Variants in ZBBX observed in about 807,000 individuals in gnomAD.
ZBBX encodes the protein zinc finger B-box domain-containing protein 1.
In ZBBX, 101 loss-of-function variants were observed where a neutral mutation model predicts 108.5. The observed-to-expected ratio is 0.93, with a 90% CI of 0.79 to 1.10. The LOEUF (loss-of-function observed/expected upper bound fraction) is 1.10. ZBBX is among the 50% of genes least tolerant of loss of function. The pLI, the probability that ZBBX is intolerant of heterozygous loss-of-function variation, is 0.00. For synonymous variants in ZBBX, 356 were observed against 323.4 expected (o/e 1.10, Z -1.08); for missense variants, 1,009 against 941.4 (o/e 1.07, Z -0.94).
chr3:167,393,408 T>C (rs1354186982), intron 1 of ZBBX, among the ~76,000 whole-genome samples: 1 of 151,918 alleles, frequency 6.6e-6, no homozygotes, highest in Non-Finnish European at 1.5e-5. Context: ...CAAATTTCCA[T>C]TGCTACTTAT....
chr3:167,203,108 T>TA, the ZBBX span, among the ~76,000 whole-genome samples: 2 of 151,986 alleles, frequency 1.3e-5, no homozygotes, highest in Admixed American at 6.6e-5. Context: ...CTAGCTGACC[T>TA]AAAAAAAATT....
chr3:167,190,778 C>T, the ZBBX span, among the ~76,000 whole-genome samples: 6 of 152,162 alleles, frequency 3.9e-5, no homozygotes, highest in Non-Finnish European at 8.8e-5. Context: ...GAAATTCACA[C>T]CAAAATGAGT....
At chr3:167,342,027 C>T (rs1577044923) in intron 9 of ZBBX, among the ~76,000 whole-genome samples, 1 of 151,640 alleles carries the variant, frequency 6.6e-6, no homozygotes, top group South Asian at 2.1e-4. Flanking sequence ...ATTTGAGCTA[C>T]ATAAGGAAGA....
the ZBBX span, among the ~76,000 whole-genome samples, chr3:167,197,397 G>A: frequency 6.6e-6 from 1 of 152,090 alleles, no homozygotes; most frequent in African/African-American, 2.4e-5. Context: ...AATTAGCCGG[G>A]TGTGGTGGTG....
the ZBBX span, among the ~76,000 whole-genome samples, chr3:167,201,603 T>C: frequency 6.6e-6 from 1 of 152,140 alleles, no homozygotes; most frequent in Non-Finnish European, 1.5e-5. Flanking sequence ...AAACTCATCA[T>C]GTAAATTGCA....
intron 20 of ZBBX, among the ~76,000 whole-genome samples, chr3:167,263,379 C>T (rs1478910892): frequency 6.6e-6 from 1 of 152,120 alleles, no homozygotes; most frequent in African/African-American, 2.4e-5. Context: ...TACAATTTCT[C>T]TCCTACTGCT....
At chr3:167,238,209 T>C (rs1256957100), downstream of ZBBX, among the ~76,000 whole-genome samples, 1 of 152,046 alleles carries the variant, frequency 6.6e-6, no homozygotes, top group Non-Finnish European at 1.5e-5. Flanking sequence ...AAGCCAGTAG[T>C]GTCAGGACAA....
chr3:167,187,857 A>G, the ZBBX span, among the ~76,000 whole-genome samples: 13 of 152,162 alleles, frequency 8.5e-5, no homozygotes, highest in African/African-American at 2.9e-4. Flanking sequence ...ATGGTTTACG[A>G]TGTTCATTTC....
At chr3:167,298,847 G>A (rs1190893961) in intron 17 of ZBBX, among the ~76,000 whole-genome samples, 7 of 151,896 alleles carry the variant, frequency 4.6e-5, no homozygotes, top group African/African-American at 1.7e-4. Context: ...CAAAACTGAA[G>A]GTGAAATACC....
the ZBBX span, among the ~76,000 whole-genome samples, chr3:167,207,656 A>C: frequency 1.6e-4 from 24 of 152,206 alleles, no homozygotes; most frequent in Non-Finnish European, 1.5e-4. Flanking sequence ...AGGCACAGAA[A>C]GACAATTATT....
At chr3:167,259,370 TG>T (rs1448224485) in intron 20 of ZBBX, among the ~76,000 whole-genome samples, 4 of 152,202 alleles carry the variant, frequency 2.6e-5, no homozygotes, top group African/African-American at 9.6e-5. Flanking sequence ...CTTCTTTTCT[TG>T]GTTAATGTTG....
intron 8 of ZBBX, among the ~76,000 whole-genome samples, chr3:167,356,430 A>C (rs1286009194): frequency 6.6e-6 from 1 of 152,098 alleles, no homozygotes; most frequent in Non-Finnish European, 1.5e-5. Flanking sequence ...CCATTAAATA[A>C]ACCTAACAAT....
the ZBBX span, among the ~76,000 whole-genome samples, chr3:167,204,235 TTTC>T: frequency 3.9e-5 from 4 of 102,972 alleles, no homozygotes; most frequent in African/African-American, 9.8e-5. Flanking sequence ...TTAAATTTCT[TTTC>T]TTTTCTTTTT....
chr3:167,221,954 A>T, the ZBBX span, among the ~76,000 whole-genome samples: 4 of 152,026 alleles, frequency 2.6e-5, 1 homozygote, highest in South Asian at 8.3e-4. Context: ...GAACCTTCAT[A>T]TGTTGTTGGT....
the ZBBX span, among the ~76,000 whole-genome samples, chr3:167,228,613 C>T: frequency 6.6e-6 from 1 of 151,814 alleles, no homozygotes; most frequent in Non-Finnish European, 1.5e-5. Context: ...TCCTAGGGGG[C>T]TTCTTGGAAC....
chr3:167,346,081 T>A (rs1241983775), intron 9 of ZBBX, among the ~76,000 whole-genome samples: 1 of 151,892 alleles, frequency 6.6e-6, no homozygotes, highest in Non-Finnish European at 1.5e-5. Flanking sequence ...TTCTGTCTGA[T>A]CTTACGTTGC....
chr3:167,350,576 T>C (rs1298488430), intron 8 of ZBBX, 61 bp from the exon 9 acceptor site: 12 of 1,231,192 alleles, frequency 9.7e-6, no homozygotes, highest in Non-Finnish European at 1.4e-5. Flanking sequence ...TTTTAGAAAG[T>C]GTTTGCATAA....
chr3:167,329,761 G>A (rs115055605), intron 10 of ZBBX, among the ~76,000 whole-genome samples: 1,874 of 152,236 alleles, frequency 0.012, 22 homozygotes, highest in Middle Eastern at 0.027. Flanking sequence ...AAGGAAGCAG[G>A]GGAAGAATAT....
intron 20 of ZBBX, among the ~76,000 whole-genome samples, chr3:167,264,225 A>T (rs1017487677): frequency 6.6e-6 from 1 of 152,044 alleles, no homozygotes; most frequent in Non-Finnish European, 1.5e-5. Flanking sequence ...ATTGATAAGG[A>T]CTTACTCCTG....
Sources: gnomAD v4.1 joint callset for allele counts (sites outside exome capture counted in the v4.1 genomes callset) on GRCh38, gnomAD v4.1.1 for gene constraint, MANE v1.5 for transcripts, NCBI Gene and HGNC (gene_info 2026-07-23, HGNC 2026-07-21) for gene names.